The following DOK6 variants were observed in gnomAD, a reference collection of about 807,000 sequenced individuals.
The protein encoded by DOK6 is docking protein 6.
A neutral mutation model predicts 44.0 loss-of-function variants in DOK6; 22 were observed. That is an observed-to-expected ratio of 0.50 (90% CI 0.36 to 0.71). The LOEUF (loss-of-function observed/expected upper bound fraction) is 0.71, where lower values mean the gene tolerates loss of function less well. Among genes scored for constraint, DOK6 ranks in the 30% least tolerant of loss-of-function variants. DOK6 has a pLI of 0.00. For synonymous variants in DOK6, 166 were observed against 145.5 expected (o/e 1.14, Z -1.01); for missense variants, 340 against 416.4 (o/e 0.82, Z 1.60).
chr18:69,722,921 C>G (rs1978291101), intron 5 of DOK6, among the ~76,000 whole-genome samples: 1 of 152,060 alleles, frequency 6.6e-6, no homozygotes, highest in Non-Finnish European at 1.5e-5. Context: ...GAAATATTCT[C>G]TAAAAGAAAT....
At chr18:69,461,286 T>G (rs1979779521) in intron 1 of DOK6, among the ~76,000 whole-genome samples, 1 of 152,192 alleles carries the variant, frequency 6.6e-6, no homozygotes, top group African/African-American at 2.4e-5. Context: ...GAATTACTTT[T>G]ATGTTTTATG....
At chr18:69,686,869 A>C (rs745728367) in intron 4 of DOK6, among the ~76,000 whole-genome samples, 1 of 152,146 alleles carries the variant, frequency 6.6e-6, no homozygotes, top group Non-Finnish European at 1.5e-5. Flanking sequence ...AGTCATACTC[A>C]AGGAGAAACA....
intron 1 of DOK6, among the ~76,000 whole-genome samples, chr18:69,543,539 C>T (rs1426730398): frequency 6.6e-6 from 1 of 151,490 alleles, no homozygotes; most frequent in African/African-American, 2.4e-5. Flanking sequence ...GAAAGCCAAC[C>T]TGTTTTCCTT....
chr18:69,454,767 G>C (rs1452943000), intron 1 of DOK6, among the ~76,000 whole-genome samples: 1 of 143,206 alleles, frequency 7.0e-6, no homozygotes, highest in East Asian at 2.1e-4. Context: ...TAGGGACATG[G>C]ATGAAATTGG....
intron 7 of DOK6, among the ~76,000 whole-genome samples, chr18:69,820,113 G>A (rs1436866801): frequency 6.6e-6 from 1 of 152,126 alleles, no homozygotes; most frequent in Non-Finnish European, 1.5e-5. Context: ...GACATATAGT[G>A]TGTATGTTTA....
intron 5 of DOK6, among the ~76,000 whole-genome samples, chr18:69,737,777 G>A (rs1294682085): frequency 6.6e-6 from 1 of 152,130 alleles, no homozygotes; most frequent in Non-Finnish European, 1.5e-5. Context: ...CCAGGAAGTG[G>A]ACAAGCACTC....
chr18:69,838,032 T>C (rs1349036868), intron 7 of DOK6, among the ~76,000 whole-genome samples: 1 of 152,214 alleles, frequency 6.6e-6, no homozygotes, highest in Non-Finnish European at 1.5e-5. Context: ...AATTTTTTAA[T>C]AGATGATGGT....
chr18:69,576,792 T>C (rs1983248492), intron 2 of DOK6, among the ~76,000 whole-genome samples: 1 of 152,150 alleles, frequency 6.6e-6, no homozygotes, highest in Non-Finnish European at 1.5e-5. Context: ...AAATTTATCC[T>C]CAATGAAAAC....
At position 69,846,686 on chromosome 18, in the gene DOK6, T is replaced by C. The variant is rs1391512057; in HGVS notation, c.*5303T>C. The C allele has an allele frequency of 1.3e-5, 2 of 152,234 alleles. No homozygotes were observed. Among genetic ancestry groups the C allele is most frequent in the South Asian group, 2.1e-4 (1 of 4,826 alleles). The allele number at this position is 152,234 out of a possible 1,614,324, so 9.4% of individuals were successfully genotyped here. The stretch of plus-strand genomic sequence containing the variant: ...TGTTTGTGTTTAGCAGTCCTACTAA[T>C]TCATCACAATCACATAGTAATTGTG... On this transcript the variant is annotated 3_prime_UTR_variant, in exon 8 of 8. Transcript: ENST00000382713.
At chr18:69,546,277 CAA>C (rs112839837) in intron 1 of DOK6, among the ~76,000 whole-genome samples, 4 of 103,878 alleles carry the variant, frequency 3.9e-5, no homozygotes. Flanking sequence ...AACTCCGTCT[CAA>C]AAAAAAAAAA....
intron 7 of DOK6, among the ~76,000 whole-genome samples, chr18:69,821,170 G>C (rs1389419137): frequency 6.6e-6 from 1 of 152,112 alleles, no homozygotes; most frequent in Non-Finnish European, 1.5e-5. Context: ...AAATGGTCTA[G>C]AATCCTGAGA....
In DOK6 at chr18:69,843,427, C is replaced by T. The variant is rs1982279452; in HGVS notation, c.*2044C>T. On this transcript the variant is annotated 3_prime_UTR_variant, in exon 8 of 8. Coordinates refer to ENST00000382713, the MANE Select transcript of DOK6 (RefSeq NM_152721.6). Reference sequence around the variant, plus strand: ...ATTTGAGCACAGTTCCTAGTGGGGCCACATTCAGAGCAAGCCTCTCGCCGG... The same window carrying T: ...ATTTGAGCACAGTTCCTAGTGGGGCTACATTCAGAGCAAGCCTCTCGCCGG... 1 of 152,258 alleles carries T rather than the reference C, an allele frequency of 6.6e-6. No individual in the cohort carries two copies. The highest frequency in any genetic ancestry group is 2.1e-4 in the South Asian group (1 of 4,838). 9.4% of individuals were successfully genotyped at this position (152,258 alleles called of 1,614,324 possible).
At chr18:69,688,733 G>T (rs4131990) in intron 4 of DOK6, among the ~76,000 whole-genome samples, 2,153 of 152,272 alleles carry the variant, frequency 0.014, 54 homozygotes, top group African/African-American at 0.049. Context: ...TGTTGGCCAG[G>T]CTGGTCTCGA....
intron 6 of DOK6, among the ~76,000 whole-genome samples, chr18:69,745,841 T>G (rs1277805282): frequency 6.6e-6 from 1 of 152,180 alleles, no homozygotes; most frequent in Non-Finnish European, 1.5e-5. Flanking sequence ...GCAAGAAAAT[T>G]TAGCTTTAAG....
chr18:69,659,907 G>A (rs1485165825), intron 3 of DOK6: 1 of 112,228 alleles, frequency 8.9e-6, no homozygotes, highest in Non-Finnish European at 1.9e-5. Context: ...ATATATGTAT[G>A]TTTTATATAT....
At chr18:69,776,395 C>T (rs189299287) in intron 7 of DOK6, among the ~76,000 whole-genome samples, 12 of 152,028 alleles carry the variant, frequency 7.9e-5, no homozygotes, top group South Asian at 4.2e-4. Context: ...ATTAAGAACA[C>T]GTCTGTAAGA....
chr18:69,469,422 T>G (rs1980022289), intron 1 of DOK6: 1 of 149,446 alleles, frequency 6.7e-6, no homozygotes, highest in African/African-American at 2.5e-5. Context: ...ATTTAAAAAT[T>G]CATATAGATG....
chr18:69,694,569 A>G (rs1423473413), intron 4 of DOK6, among the ~76,000 whole-genome samples: 1 of 151,882 alleles, frequency 6.6e-6, no homozygotes, highest in Admixed American at 6.6e-5. Flanking sequence ...ATGGGACTCT[A>G]AATTTTACCA....
chr18:69,733,751 T>TA (rs1423641049), intron 5 of DOK6, among the ~76,000 whole-genome samples: 1 of 152,112 alleles, frequency 6.6e-6, no homozygotes, highest in African/African-American at 2.4e-5. Flanking sequence ...CTTTGAGCAT[T>TA]AAAAAATTAA....
Sources: allele counts gnomAD v4.1 joint callset (sites outside exome capture counted in the v4.1 genomes callset), GRCh38; gene constraint gnomAD v4.1.1; transcripts MANE v1.5; gene names NCBI Gene and HGNC (gene_info 2026-07-23, HGNC 2026-07-21).